The following MAML2 variants were observed in gnomAD, a reference collection of about 807,000 sequenced individuals.
MAML2 encodes the protein mastermind-like protein 2.
Under a neutral mutation model 96.1 loss-of-function variants are expected in MAML2, and 22 were observed. That is an observed-to-expected ratio of 0.23 (90% CI 0.16 to 0.33). The LOEUF is 0.33. MAML2 is among the 10% of genes least tolerant of loss of function. MAML2 has a pLI of 1.00. For missense variants in MAML2, 1,367 were observed against 1,392.4 expected, an observed-to-expected ratio of 0.98 and a Z score of 0.29; for synonymous variants, 561 against 521.3, an observed-to-expected ratio of 1.08 and a Z score of -1.04.
chr11:96,035,598 G>A (rs529662619), intron 2 of MAML2, among the ~76,000 whole-genome samples: 2 of 152,342 alleles, frequency 1.3e-5, no homozygotes, highest in African/African-American at 4.8e-5. Flanking sequence ...GGAAACTTCA[G>A]AGAGGAATGA....
intron 1 of MAML2, among the ~76,000 whole-genome samples, chr11:96,327,737 T>G (rs1016037845): frequency 6.6e-5 from 10 of 152,020 alleles, no homozygotes; most frequent in African/African-American, 2.4e-4. Context: ...TACTCTTCAA[T>G]GTATTTCTTT....
chr11:96,038,395 T>C (rs906575443), intron 2 of MAML2, among the ~76,000 whole-genome samples: 3 of 152,236 alleles, frequency 2.0e-5, no homozygotes, highest in African/African-American at 7.2e-5. Flanking sequence ...TGTCTTCTAC[T>C]GAACACATCT....
At chr11:96,191,581 T>G (rs550915386) in intron 1 of MAML2, among the ~76,000 whole-genome samples, 1 of 151,908 alleles carries the variant, frequency 6.6e-6, no homozygotes, top group Non-Finnish European at 1.5e-5. Context: ...GAGACCATCC[T>G]TGCTAACACG....
intron 2 of MAML2, among the ~76,000 whole-genome samples, chr11:96,066,712 C>T (rs528062276): frequency 2.0e-5 from 3 of 152,114 alleles, no homozygotes; most frequent in Non-Finnish European, 4.4e-5. Flanking sequence ...AGGAATATGA[C>T]AGTGAACAAA....
At chr11:96,128,921 TAA>T (rs1403249895) in intron 1 of MAML2, among the ~76,000 whole-genome samples, 3 of 152,200 alleles carry the variant, frequency 2.0e-5, no homozygotes, top group Non-Finnish European at 4.4e-5. Flanking sequence ...GTTATTTATA[TAA>T]AACATGGAGT....
chr11:96,082,569 G>T (rs1377850517), intron 2 of MAML2, among the ~76,000 whole-genome samples: 1 of 152,152 alleles, frequency 6.6e-6, no homozygotes, highest in South Asian at 2.1e-4. Context: ...GAGAGCTGAC[G>T]CTGTGAGGTC....
At chr11:96,069,855 T>G (rs1176438455) in intron 2 of MAML2, among the ~76,000 whole-genome samples, 3 of 151,734 alleles carry the variant, frequency 2.0e-5, no homozygotes, top group African/African-American at 7.3e-5. Flanking sequence ...AAACCCCGTC[T>G]CTACTAAAAA....
intron 2 of MAML2, among the ~76,000 whole-genome samples, chr11:96,074,469 C>A (rs1490686265): frequency 1.3e-5 from 2 of 152,168 alleles, no homozygotes; most frequent in African/African-American, 2.4e-5. Context: ...CCCAAAACCC[C>A]AAGGAAATGC....
chr11:96,267,193 A>T (rs1383132412), intron 1 of MAML2, among the ~76,000 whole-genome samples: 1 of 152,230 alleles, frequency 6.6e-6, no homozygotes, highest in Non-Finnish European at 1.5e-5. Context: ...TGCCAAGCTG[A>T]TGAGTAAAGT....
At chr11:96,321,498 A>G (rs755126607) in intron 1 of MAML2, among the ~76,000 whole-genome samples, 2 of 152,168 alleles carry the variant, frequency 1.3e-5, no homozygotes, top group Non-Finnish European at 2.9e-5. Context: ...CCTTTATCAT[A>G]TTTCTGTAGA....
chr11:96,237,151 C>A (rs566791112), intron 1 of MAML2, among the ~76,000 whole-genome samples: 2 of 152,130 alleles, frequency 1.3e-5, no homozygotes, highest in African/African-American at 4.8e-5. Flanking sequence ...CTCCCTTGTC[C>A]GGTCCCCTCC....
intron 3 of MAML2, among the ~76,000 whole-genome samples, chr11:95,991,063 C>G (rs763234299): frequency 4.0e-5 from 6 of 150,810 alleles, no homozygotes; most frequent in African/African-American, 9.9e-5. Flanking sequence ...TTTAAAAAAT[C>G]CCCCATTGTG....
intron 1 of MAML2, among the ~76,000 whole-genome samples, chr11:96,256,773 T>G (rs1690702849): frequency 6.6e-6 from 1 of 152,164 alleles, no homozygotes; most frequent in Non-Finnish European, 1.5e-5. Context: ...AGATAGGAAG[T>G]TACTTATTTT....
At chr11:96,299,077 A>ATATATATATATG (rs2135997058) in intron 1 of MAML2, among the ~76,000 whole-genome samples, 1 of 138,678 alleles carries the variant, frequency 7.2e-6, no homozygotes, top group Non-Finnish European at 1.5e-5. Context: ...ATATATATAT[A>ATATATATATATG]TATAAAATTT....
At chr11:96,261,744 G>A (rs185373669) in intron 1 of MAML2, among the ~76,000 whole-genome samples, 65 of 152,238 alleles carry the variant, frequency 4.3e-4, no homozygotes, top group African/African-American at 1.3e-3. Context: ...CATATTATTC[G>A]TCTATAAAAT....
chr11:96,141,971 C>T (rs1475639478), intron 1 of MAML2, among the ~76,000 whole-genome samples: 1 of 152,140 alleles, frequency 6.6e-6, no homozygotes, highest in Non-Finnish European at 1.5e-5. Context: ...AAAAGCTAGC[C>T]TGAGAAGATA....
intron 1 of MAML2, among the ~76,000 whole-genome samples, chr11:96,267,660 G>A (rs1408646485): frequency 1.3e-5 from 2 of 152,178 alleles, no homozygotes; most frequent in African/African-American, 4.8e-5. Context: ...CATTGGCAGG[G>A]AGCAAGAGAA....
chr11:96,075,446 T>C (rs551431821), intron 2 of MAML2, among the ~76,000 whole-genome samples: 2 of 152,318 alleles, frequency 1.3e-5, no homozygotes, highest in East Asian at 3.9e-4. Flanking sequence ...ATTATCTGTC[T>C]GTCTCCTTCC....
chr11:96,237,729 C>T (rs2135958663), intron 1 of MAML2, among the ~76,000 whole-genome samples: 1 of 152,312 alleles, frequency 6.6e-6, no homozygotes, highest in Middle Eastern at 3.4e-3. Context: ...GGATACAACA[C>T]ATTCGGAAAA....
Sources: gnomAD v4.1 joint callset for allele counts (sites outside exome capture counted in the v4.1 genomes callset) on GRCh38, gnomAD v4.1.1 for gene constraint, MANE v1.5 for transcripts, NCBI Gene and HGNC (gene_info 2026-07-23, HGNC 2026-07-21) for gene names.